Variants in SAMMSON observed in about 807,000 individuals in gnomAD.
SAMMSON encodes the protein long intergenic non-protein coding RNA 1212.
downstream of SAMMSON, among the ~76,000 whole-genome samples, chr3:70,393,242 A>C (rs1345122429): frequency 6.6e-6 from 1 of 152,166 alleles, no homozygotes; most frequent in Non-Finnish European, 1.5e-5. Context: ...TGTTTAATTC[A>C]CATCACAAAA....
intron 2 of SAMMSON, among the ~76,000 whole-genome samples, chr3:70,401,009 A>G (rs1230933975): frequency 1.3e-5 from 2 of 152,160 alleles, no homozygotes; most frequent in African/African-American, 2.4e-5. Context: ...AAAGGAATTT[A>G]TAATCATTTT....
At chr3:70,052,965 T>G (rs1395830324) in intron 3 of SAMMSON, among the ~76,000 whole-genome samples, 1 of 152,158 alleles carries the variant, frequency 6.6e-6, no homozygotes, top group Admixed American at 6.5e-5. Context: ...CATCTTGACT[T>G]GTGTTTCTTG....
At position 70,316,953 on chromosome 3, in the gene SAMMSON, G is replaced by A. The variant is rs1013129744; in HGVS notation, n.739+25710G>A. Reference sequence around the variant, plus strand: ...AGACCTTGGCTGGCATTGAGAAATCGTGTAAGGATAAACATGTGAATAACA... The same window carrying A: ...AGACCTTGGCTGGCATTGAGAAATCATGTAAGGATAAACATGTGAATAACA... On this transcript the variant is annotated intron_variant and non_coding_transcript_variant, in intron 7 of 9. Transcript: ENST00000642114. 5.9e-5 allele frequency among the ~76,000 whole-genome samples: 9 copies of A among 152,002 alleles called. 1 individual carries two copies. Among genetic ancestry groups the A allele is most frequent in the Admixed American group, 2.6e-4 (4 of 15,220 alleles).
chr3:70,048,489 G>A (rs1242925421), intron 3 of SAMMSON, among the ~76,000 whole-genome samples: 1 of 151,848 alleles, frequency 6.6e-6, no homozygotes, highest in Non-Finnish European at 1.5e-5. Flanking sequence ...TCATTATTAG[G>A]CACCTAAAGA....
intron 9 of SAMMSON, among the ~76,000 whole-genome samples, chr3:70,380,578 C>T (rs978279920): frequency 6.6e-6 from 1 of 151,694 alleles, no homozygotes; most frequent in Non-Finnish European, 1.5e-5. Context: ...TTTTAGGGTA[C>T]ATGTGCACAA....
chr3:70,143,963 A>G (rs1576134133), intron 4 of SAMMSON, among the ~76,000 whole-genome samples: 2 of 152,130 alleles, frequency 1.3e-5, no homozygotes, highest in African/African-American at 4.8e-5. Context: ...GCAGACCATC[A>G]TTTTGACTTT....
intron 7 of SAMMSON, among the ~76,000 whole-genome samples, chr3:70,310,427 G>A (rs1398613676): frequency 1.3e-5 from 2 of 152,032 alleles, no homozygotes. Flanking sequence ...GTGCAGTGGT[G>A]TGATCTCGGC....
chr3:70,092,326 A>G (rs913610544), intron 4 of SAMMSON, among the ~76,000 whole-genome samples: 1 of 152,002 alleles, frequency 6.6e-6, no homozygotes, highest in African/African-American at 2.4e-5. Flanking sequence ...CATGATGGAC[A>G]CTTCTGTTTC....
In SAMMSON at chr3:70,232,267, C is replaced by A. The variant is rs151231691; in HGVS notation, n.508-16840C>A. Among the ~76,000 whole-genome samples the A allele has an allele frequency of 2.0e-5, 3 of 152,330 alleles. No homozygotes were observed. The East Asian group carries it at 5.8e-4, about 29-fold the overall frequency. On this transcript the variant is annotated intron_variant and non_coding_transcript_variant, in intron 4 of 9. Transcript: ENST00000642114. Reference sequence around the variant, plus strand: ...TGGACACACCAAGTAGCTATTATTACTACTGTTATTATAAGGTAGAGAATC... The same window carrying A: ...TGGACACACCAAGTAGCTATTATTAATACTGTTATTATAAGGTAGAGAATC...
chr3:70,254,727 T>C (rs1309477614), intron 6 of SAMMSON, among the ~76,000 whole-genome samples: 2 of 152,200 alleles, frequency 1.3e-5, no homozygotes, highest in African/African-American at 2.4e-5. Flanking sequence ...AGTTCTGTCA[T>C]GACGCACTCT....
At chr3:70,143,700 CT>C (rs1411143490) in intron 4 of SAMMSON, among the ~76,000 whole-genome samples, 1 of 152,126 alleles carries the variant, frequency 6.6e-6, no homozygotes, top group Admixed American at 6.6e-5. Flanking sequence ...GAAATCACTC[CT>C]TCCTTGTAGT....
At chr3:70,306,305 G>T (rs1019937511) in intron 7 of SAMMSON, among the ~76,000 whole-genome samples, 1 of 152,068 alleles carries the variant, frequency 6.6e-6, no homozygotes, top group African/African-American at 2.4e-5. Context: ...TAAAGACGGG[G>T]TTTCACCATG....
At chr3:70,174,569 A>G (rs1039000654) in intron 4 of SAMMSON, among the ~76,000 whole-genome samples, 1 of 152,018 alleles carries the variant, frequency 6.6e-6, no homozygotes, top group African/African-American at 2.4e-5. Context: ...AATTATAAGA[A>G]AAAAATATGC....
chr3:70,131,729 C>T (rs2067483534), intron 4 of SAMMSON, among the ~76,000 whole-genome samples: 1 of 152,012 alleles, frequency 6.6e-6, no homozygotes. Context: ...TATAAGCATA[C>T]CCCACCACAC....
chr3:70,363,000 T>A (rs1702888305), intron 9 of SAMMSON, among the ~76,000 whole-genome samples: 1 of 151,952 alleles, frequency 6.6e-6, no homozygotes, highest in African/African-American at 2.4e-5. Flanking sequence ...CAAGTAATTC[T>A]GATGCAAGGG....
intron 4 of SAMMSON, among the ~76,000 whole-genome samples, chr3:70,112,418 G>A (rs77000024): frequency 0.028 from 4,331 of 152,104 alleles, 111 homozygotes; most frequent in East Asian, 0.15. Flanking sequence ...GAGGGGCTTC[G>A]GGGAAAGAGA....
At chr3:70,116,042 G>C (rs1309399594) in intron 4 of SAMMSON, among the ~76,000 whole-genome samples, 1 of 152,038 alleles carries the variant, frequency 6.6e-6, no homozygotes, top group Non-Finnish European at 1.5e-5. Context: ...AAGTCTTCCA[G>C]TCAAAAGTTT....
chr3:70,125,257 C>G lies in SAMMSON; in HGVS notation n.507+53692C>G, dbSNP rs1423037970. Reference sequence around the variant, plus strand: ...CTTCTTTCATCAAACGTATATCAAACATGATCTACTGTGTTTCTGATGAAA... The same window carrying G: ...CTTCTTTCATCAAACGTATATCAAAGATGATCTACTGTGTTTCTGATGAAA... On this transcript the variant is annotated intron_variant and non_coding_transcript_variant, in intron 4 of 9. Transcript: ENST00000642114. 3 of 1,272,306 alleles carry G rather than the reference C, an allele frequency of 2.4e-6. No homozygotes were observed. In the African/African-American group the frequency reaches 4.4e-5, roughly 19 times the overall value. The allele number at this position is 1,272,306 out of a possible 1,614,324, so 78.8% of individuals were successfully genotyped here.
intron 4 of SAMMSON, among the ~76,000 whole-genome samples, chr3:70,242,933 C>T (rs1701676131): frequency 6.6e-6 from 1 of 151,942 alleles, no homozygotes; most frequent in South Asian, 2.1e-4. Context: ...TAAAAAACAA[C>T]CATCAAAAAA....
Sources: allele counts gnomAD v4.1 joint callset (sites outside exome capture counted in the v4.1 genomes callset), GRCh38; gene constraint gnomAD v4.1.1; transcripts MANE v1.5; gene names NCBI Gene and HGNC (gene_info 2026-07-23, HGNC 2026-07-21).